Variants in PCNX2 observed in about 807,000 individuals in gnomAD.
PCNX2 encodes the protein pecanex 2, also known as pecanex-like protein 2.
In PCNX2, 168 loss-of-function variants were observed where a neutral mutation model predicts 223.8. The observed-to-expected ratio is 0.75, with a 90% confidence interval of 0.66 to 0.85. The LOEUF (loss-of-function observed/expected upper bound fraction) is 0.85, where lower values mean the gene tolerates loss of function less well. Among genes scored for constraint, PCNX2 ranks in the 40% least tolerant of loss-of-function variants. The probability of loss-of-function intolerance (pLI) is 0.00; values close to 1 mark genes in which losing one functional copy is unlikely to be tolerated. For synonymous variants in PCNX2, 1,006 were observed against 1,052.6 expected, an observed-to-expected ratio of 0.96 and a Z score of 0.86; for missense variants, 2,507 against 2,675.5, an observed-to-expected ratio of 0.94 and a Z score of 1.39.
At chr1:233,208,066 C>T (rs1681586546) in intron 13 of PCNX2, among the ~76,000 whole-genome samples, 1 of 152,130 alleles carries the variant, frequency 6.6e-6, no homozygotes, top group Non-Finnish European at 1.5e-5. Context: ...AGCAATTCTC[C>T]TCCCTCAGCC....
chr1:233,130,826 A>C (rs987984124), intron 21 of PCNX2, among the ~76,000 whole-genome samples: 1 of 149,970 alleles, frequency 6.7e-6, no homozygotes, highest in South Asian at 2.2e-4. Flanking sequence ...GACTTAAGAG[A>C]GTAGGCAATA....
At chr1:233,085,258 G>A (rs115221267) in intron 23 of PCNX2, among the ~76,000 whole-genome samples, 2,660 of 152,032 alleles carry the variant, frequency 0.017, 31 homozygotes, top group East Asian at 0.045. Context: ...ACTTGAACTC[G>A]GGGGTGGAGG....
chr1:233,201,880 A>C (rs1380512601), intron 13 of PCNX2: 1 of 172,170 alleles, frequency 5.8e-6, no homozygotes, highest in Non-Finnish European at 1.2e-5. Flanking sequence ...GGCATGAGGA[A>C]GATAAAATGG....
intron 13 of PCNX2, among the ~76,000 whole-genome samples, chr1:233,205,337 T>C (rs1333812079): frequency 8.5e-5 from 13 of 152,216 alleles, no homozygotes. Flanking sequence ...ACTATAGCCT[T>C]ATCTGACTTA....
intron 23 of PCNX2, among the ~76,000 whole-genome samples, chr1:233,084,900 C>A (rs1673525261): frequency 6.6e-6 from 1 of 152,194 alleles, no homozygotes. Context: ...CCAGGCAGAG[C>A]TCATCAAGAC....
At chr1:233,180,612 A>G (rs544254649) in intron 15 of PCNX2, 22 of 152,328 alleles carry the variant, frequency 1.4e-4, no homozygotes, top group Admixed American at 1.4e-3. Context: ...TGTAACTGCT[A>G]AAATAGTCTG....
At chr1:233,163,295 G>A (rs1678604738) in intron 17 of PCNX2, among the ~76,000 whole-genome samples, 1 of 151,804 alleles carries the variant, frequency 6.6e-6, no homozygotes, top group Admixed American at 6.6e-5. Flanking sequence ...AGACCAGCCT[G>A]GCCAAACATG....
intron 21 of PCNX2, among the ~76,000 whole-genome samples, chr1:233,129,942 A>G (rs1002701540): frequency 3.9e-5 from 6 of 152,040 alleles, no homozygotes; most frequent in Non-Finnish European, 4.4e-5. Context: ...TTTGCAATAA[A>G]CCTTTTTGCT....
chr1:233,128,779 C>T (rs1558260156), intron 21 of PCNX2, among the ~76,000 whole-genome samples: 2 of 152,312 alleles, frequency 1.3e-5, no homozygotes, highest in South Asian at 4.1e-4. Context: ...CCCAGACAAC[C>T]AGAAATGTCA....
At chr1:233,271,809 C>A (rs1289590151) in intron 1 of PCNX2, among the ~76,000 whole-genome samples, 1 of 152,148 alleles carries the variant, frequency 6.6e-6, no homozygotes, top group Non-Finnish European at 1.5e-5. Flanking sequence ...TTTCTGGGTT[C>A]TCTGTTCTAT....
intron 15 of PCNX2, among the ~76,000 whole-genome samples, chr1:233,192,292 T>C (rs1199399166): frequency 6.6e-6 from 1 of 152,230 alleles, no homozygotes; most frequent in Non-Finnish European, 1.5e-5. Context: ...TGTGAGTTAC[T>C]ATTCAGTGTC....
At position 233,253,920 on chromosome 1, in the gene PCNX2, A is replaced by G. The variant is rs750023107; in HGVS notation, c.1835-1132T>C. 2.6e-5 allele frequency among the ~76,000 whole-genome samples: 4 copies of G among 152,164 alleles called. No individual in the cohort carries two copies. Among genetic ancestry groups the G allele is most frequent in the Non-Finnish European group, 2.9e-5 (2 of 68,030 alleles). On this transcript the variant is annotated intron_variant, in intron 5 of 33. Coordinates refer to ENST00000258229, the MANE Select transcript of PCNX2 (RefSeq NM_014801.4). This position sits in a 1 kb window ranked among gnomAD's most constrained non-coding sequence, Gnocchi z 4.2. The stretch of plus-strand genomic sequence containing the variant: ...AACAGTCACTTTTAAGATCAAAAGG[A>G]CCATTGTACTCCCATGACTTACTCT...
chr1:233,262,386 G>T (rs901719073), intron 2 of PCNX2, among the ~76,000 whole-genome samples: 7 of 152,028 alleles, frequency 4.6e-5, no homozygotes, highest in Non-Finnish European at 1.0e-4. Context: ...TCAAGCTCCT[G>T]GACTCAAGTG....
chr1:233,060,586 G>A (rs1251822816), intron 23 of PCNX2, among the ~76,000 whole-genome samples: 1 of 152,184 alleles, frequency 6.6e-6, no homozygotes, highest in Non-Finnish European at 1.5e-5. Context: ...CTTTCCTCCT[G>A]TAAATTTGGT....
rs146679425 is a variant in PCNX2, at chr1:233,294,993, C to G, written c.153+333G>C. ...ATTTCACACCAAACATTATCCCAAG[C>G]TACCCAGCTCTAAGGCCTAGAGTTA... On this transcript the variant is annotated intron_variant, in intron 1 of 33. Transcript: ENST00000258229. Among the ~76,000 whole-genome samples the G allele has an allele frequency of 5.0e-4, 76 of 152,242 alleles. 1 individual carries two copies. Among genetic ancestry groups the G allele is most frequent in the Admixed American group, 5.9e-4 (9 of 15,298 alleles).
Position 233,063,336 on chromosome 1 carries a change from G to A in PCNX2, c.4077-6046C>T, listed in dbSNP as rs1301928177. On this transcript the variant is annotated intron_variant, in intron 23 of 33. Transcript: ENST00000258229. ...ACATACAAAAATATACACATTTGAT[G>A]AGAATGATTGTTTTAAAAAAGGGAA... Among the ~76,000 whole-genome samples, 15 of 152,198 alleles carry A rather than the reference G, an allele frequency of 9.9e-5. No homozygotes were observed. In the East Asian group the frequency reaches 2.9e-3, roughly 29 times the overall value.
chr1:233,031,952 C>T, intron 25 of PCNX2: 1 of 985,260 alleles, frequency 1.0e-6, no homozygotes. Context: ...CACACTGGGA[C>T]CCTTGGATTG....
chr1:233,186,199 T>G (rs1432882591), intron 15 of PCNX2, among the ~76,000 whole-genome samples: 1 of 152,214 alleles, frequency 6.6e-6, no homozygotes, highest in African/African-American at 2.4e-5. Flanking sequence ...ACTTTCTTTT[T>G]AAAGAAACTG....
At chr1:233,205,708 AC>A (rs1183660650) in intron 13 of PCNX2, among the ~76,000 whole-genome samples, 5 of 152,158 alleles carry the variant, frequency 3.3e-5, no homozygotes, top group South Asian at 2.1e-4. Flanking sequence ...AAAAAAAAAA[AC>A]AAAACAAAAC....
Sources: gnomAD v4.1 joint callset for allele counts (sites outside exome capture counted in the v4.1 genomes callset) on GRCh38, gnomAD v4.1.1 for gene constraint, Gnocchi (gnomAD v3.1) non-coding constraint, MANE v1.5 for transcripts, NCBI Gene and HGNC (gene_info 2026-07-23, HGNC 2026-07-21) for gene names.